Variants in PAX1 observed in about 807,000 individuals in gnomAD.
PAX1 encodes the protein paired box protein Pax-1.
PAX1 carries 18 observed loss-of-function variants against 35.6 expected under a neutral mutation model. That is an observed-to-expected ratio of 0.50 (90% CI 0.35 to 0.75). The LOEUF is 0.75. Ranked by LOEUF, PAX1 falls within the 30% of genes least tolerant of loss-of-function variation. The pLI, the probability that PAX1 is intolerant of heterozygous loss-of-function variation, is 0.01. For synonymous variants in PAX1, 397 were observed against 305.2 expected (o/e 1.30, Z -3.14); for missense variants, 760 against 661.5 (o/e 1.15, Z -1.63).
In PAX1 at chr20:21,706,741, G is replaced by C; in HGVS notation, c.590G>C (p.Arg197Pro). ...GDPGIFAWEI[R>P]DRLLADGVCD... Reference sequence around the variant, plus strand: ...CCTGGCATCTTTGCCTGGGAGATCCGCGACCGGCTGCTGGCCGACGGCGTC... The same window carrying C: ...CCTGGCATCTTTGCCTGGGAGATCCCCGACCGGCTGCTGGCCGACGGCGTC... The change falls in exon 2 of 5, where the codon CGC becomes CCC. Residue 197 changes from arginine (R) to proline (P), a missense_variant. Around this residue, in one of 3 missense-constraint regions of PAX1, gnomAD observed 490 missense variants for 428.4 expected, o/e 1.14. Coordinates refer to ENST00000613128, the MANE Select transcript of PAX1 (RefSeq NM_001257096.2). The surrounding 1 kb of genome is among the most constrained non-coding windows in gnomAD (Gnocchi z 5.3). 1 of 1,613,496 alleles carries C rather than the reference G, an allele frequency of 6.2e-7. No individual in the cohort carries two copies. The highest frequency in any genetic ancestry group is 8.5e-7 in the Non-Finnish European group (1 of 1,180,038).
chr20:21,713,070 C>T (rs1985248102), intron 4 of PAX1, among the ~76,000 whole-genome samples: 2 of 152,198 alleles, frequency 1.3e-5, no homozygotes, highest in Admixed American at 1.3e-4. Context: ...CAGCAGGATT[C>T]GCCCCTGTAG....
At position 21,717,981 on chromosome 20, in the gene PAX1, T is replaced by C. The variant is rs1218114233; in HGVS notation, c.*3419T>C. On this transcript the variant is annotated 3_prime_UTR_variant, in exon 5 of 5. Coordinates refer to ENST00000613128, the MANE Select transcript of PAX1 (RefSeq NM_001257096.2). ...TATTTGAAAGTGCACACTAATGAGT[T>C]GTGCTGTGCACACACAGACATGAGC... The C allele has an allele frequency of 6.6e-6, 1 of 152,226 alleles. No homozygotes were observed. The highest frequency in any genetic ancestry group is 2.4e-5 in the African/African-American group (1 of 41,464). 9.4% of individuals were successfully genotyped at this position (152,226 alleles called of 1,614,324 possible).
In PAX1 at chr20:21,716,638, T is replaced by C. The variant is rs1317109687; in HGVS notation, c.*2076T>C. 1 of 151,912 alleles carries C rather than the reference T, an allele frequency of 6.6e-6. No individual in the cohort carries two copies. Among genetic ancestry groups the C allele is most frequent in the Admixed American group, 6.6e-5 (1 of 15,244 alleles). 9.4% of individuals were successfully genotyped at this position (151,912 alleles called of 1,614,324 possible). A position where few individuals can be genotyped will look rare whatever the true frequency, so the allele number is the denominator to read the frequency against. On this transcript the variant is annotated 3_prime_UTR_variant, in exon 5 of 5. Transcript: ENST00000613128. The stretch of plus-strand genomic sequence containing the variant: ...CTTGTGCTTGGAAACTGGGTGACAC[T>C]ATCTCATCAGAGAGGCAGGATTGAG...
Position 21,714,473 on chromosome 20 carries a change from G to T in PAX1, c.1285G>T (p.Ala429Ser). The T allele has an allele frequency of 1.3e-6, 2 of 1,573,108 alleles. No individual in the cohort carries two copies. The highest frequency in any genetic ancestry group is 1.2e-5 in the South Asian group (1 of 85,730). Residue 429 changes from alanine (A) to serine (S), a missense_variant and splice_region_variant, in exon 5 of 5, where the codon GCT becomes TCT. Physicochemically the swap from Ala to Ser is moderately conservative, Grantham distance 99. Around this residue, in one of 3 missense-constraint regions of PAX1, gnomAD observed 490 missense variants for 428.4 expected, o/e 1.14. Coordinates refer to ENST00000613128, the MANE Select transcript of PAX1 (RefSeq NM_001257096.2). ...MTFKHPSREVADRKPPSSGSK... is the reference protein window; with the variant it reads ...MTFKHPSREVSDRKPPSSGSK... ...CGCCTCTGTGCTTCCTCCCGCAGTGGCTGACAGGAAGCCTCCCAGCTCCGG... is the reference window on the plus strand; with the variant it reads ...CGCCTCTGTGCTTCCTCCCGCAGTGTCTGACAGGAAGCCTCCCAGCTCCGG...
rs548440049 is a variant in PAX1, at chr20:21,705,796, G to C, written c.84G>C (p.Ala28=). Residue 28 remains alanine (A), a synonymous_variant, in exon 1 of 5, where the codon GCG becomes GCC. Transcript: ENST00000613128. ...CAGCGGCGGCGGCAGGCCCTGGAGCGGGCGGCAGCGCGCTCCGCTGCCGCG... is the reference window on the plus strand; with the variant it reads ...CAGCGGCGGCGGCAGGCCCTGGAGCCGGCGGCAGCGCGCTCCGCTGCCGCG... ...GAAAAAAGPG[A]GGSALRCRAQ... 6.8e-4 allele frequency: 874 copies of C among 1,279,030 alleles called. 6 individuals are homozygous for C. In the African/African-American group the frequency reaches 0.012, roughly 18 times the overall value. 79.2% of individuals were successfully genotyped at this position (1,279,030 alleles called of 1,614,324 possible). A position where few individuals can be genotyped will look rare whatever the true frequency, so the allele number is the denominator to read the frequency against.
rs929096603 is a variant in PAX1, at chr20:21,714,466, C to G, written c.1283-5C>G. On this transcript the variant is annotated splice_polypyrimidine_tract_variant and splice_region_variant and intron_variant, in intron 4 of 4. Coordinates refer to ENST00000613128, the MANE Select transcript of PAX1 (RefSeq NM_001257096.2). ...GATCCGACGCCTCTGTGCTTCCTCC[C>G]GCAGTGGCTGACAGGAAGCCTCCCA... The G allele has an allele frequency of 5.1e-6, 8 of 1,563,866 alleles. No individual in the cohort carries two copies. Among genetic ancestry groups the G allele is most frequent in the Admixed American group, 3.7e-5 (2 of 53,792 alleles).
chr20:21,707,041 G>C lies in PAX1; in HGVS notation c.890G>C (p.Gly297Ala). Residue 297 changes from glycine (G) to alanine (A), a missense_variant, in exon 2 of 5, where the codon GGC becomes GCC. Coordinates refer to ENST00000613128, the MANE Select transcript of PAX1 (RefSeq NM_001257096.2). The part of the protein sequence containing the change: ...PSAHSVSNIL[G>A]IRTFMEQTGA... ...GCACACTCGGTCAGCAACATCCTGG[G>C]CATCCGGACGTTTATGGAGCAAACA... 6.2e-7 allele frequency: 1 copy of C among 1,613,076 alleles called. No individual in the cohort carries two copies. Among genetic ancestry groups the C allele is most frequent in the East Asian group, 2.2e-5 (1 of 44,854 alleles).
chr20:21,706,378 T>C lies in PAX1; in HGVS notation c.287-60T>C, dbSNP rs1196542403. The C allele has an allele frequency of 3.1e-6, 5 of 1,602,844 alleles. No individual in the cohort carries two copies. In the South Asian group the frequency reaches 5.5e-5, roughly 18 times the overall value. On this transcript the variant is annotated intron_variant, in intron 1 of 4. Transcript: ENST00000613128. This position sits in a 1 kb window ranked among gnomAD's most constrained non-coding sequence, Gnocchi z 5.3. The stretch of plus-strand genomic sequence containing the variant: ...GTCCCTCGCTCCGCGTGGGGACCCT[T>C]GGCTAACCCGCCGGGTGTTTTCTCC...
Position 21,706,239 on chromosome 20 carries a change from C to G in PAX1, c.287-199C>G. 1 of 813,426 alleles carries G rather than the reference C, an allele frequency of 1.2e-6. No individual in the cohort carries two copies. Among genetic ancestry groups the G allele is most frequent in the Admixed American group, 2.0e-5 (1 of 50,240 alleles). The allele number at this position is 813,426 out of a possible 1,614,324, so 50.4% of individuals were successfully genotyped here. A position where few individuals can be genotyped will look rare whatever the true frequency, so the allele number is the denominator to read the frequency against. ...GAGGGCTACAATGCGCCGCGCTCCA[C>G]TCCGCGGCTCCTCTGCGCCCTTGCC... On this transcript the variant is annotated intron_variant, in intron 1 of 4. Transcript: ENST00000613128. The surrounding 1 kb of genome is among the most constrained non-coding windows in gnomAD (Gnocchi z 5.3).
Position 21,706,791 on chromosome 20 carries a change from G to T in PAX1, c.640G>T (p.Val214Leu), listed in dbSNP as rs906293290. 1 of 1,613,542 alleles carries T rather than the reference G, an allele frequency of 6.2e-7. No individual in the cohort carries two copies. Among genetic ancestry groups the T allele is most frequent in the Non-Finnish European group, 8.5e-7 (1 of 1,180,042 alleles). Residue 214 changes from valine (V) to leucine (L), a missense_variant, in exon 2 of 5, where the codon GTG becomes TTG. By Grantham distance (32) the Val-to-Leu change is conservative. This residue lies in a region of PAX1 where 490 missense variants were observed against 428.4 expected (regional missense o/e 1.14). Transcript: ENST00000613128. This position sits in a 1 kb window ranked among gnomAD's most constrained non-coding sequence, Gnocchi z 5.3. ...GVCDKYNVPS[V>L]SSISRILRNK... is the part of the protein sequence containing the mutation. ...CTGTGACAAGTACAATGTGCCTTCG[G>T]TGAGCTCCATCAGCCGCATCCTGCG...
rs1193482798 is a variant in PAX1 at position 21,705,793 on chromosome 20, A to G, written c.81A>G (p.Gly27=). The change falls in exon 1 of 5, where the codon GGA becomes GGG. Residue 27 remains glycine (G), a synonymous_variant. Coordinates refer to ENST00000613128, the MANE Select transcript of PAX1 (RefSeq NM_001257096.2). ...CAGCAGCGGCGGCGGCAGGCCCTGG[A>G]GCGGGCGGCAGCGCGCTCCGCTGCC... ...EGAAAAAAGP[G]AGGSALRCRA... The G allele has an allele frequency of 7.8e-7, 1 of 1,274,600 alleles. No homozygotes were observed. The highest frequency in any genetic ancestry group is 1.6e-5 in the African/African-American group (1 of 63,838). The allele number at this position is 1,274,600 out of a possible 1,614,324, so 79.0% of individuals were successfully genotyped here. A position where few individuals can be genotyped will look rare whatever the true frequency, so the allele number is the denominator to read the frequency against.
chr20:21,710,702 G>A (rs1228870925), intron 4 of PAX1, among the ~76,000 whole-genome samples: 1 of 151,558 alleles, frequency 6.6e-6, no homozygotes, highest in Non-Finnish European at 1.5e-5. Context: ...GGGGTGGGGT[G>A]GGGGGCAGGA....
At chr20:21,708,384 C>T (rs17861033) in intron 2 of PAX1, 174 bp from the exon 3 acceptor site, 2 of 803,806 alleles carry the variant, frequency 2.5e-6, no homozygotes, top group Middle Eastern at 3.5e-4. Context: ...TTCCTCCGCC[C>T]CACCCGGAGT....
rs1045857284 is a variant in PAX1, at chr20:21,716,840, G to A, written c.*2278G>A. 2.0e-5 allele frequency: 3 copies of A among 152,172 alleles called. No homozygotes were observed. Among genetic ancestry groups the A allele is most frequent in the African/African-American group, 4.8e-5 (2 of 41,426 alleles). The allele number at this position is 152,172 out of a possible 1,614,324, so 9.4% of individuals were successfully genotyped here. A position where few individuals can be genotyped will look rare whatever the true frequency, so the allele number is the denominator to read the frequency against. The stretch of plus-strand genomic sequence containing the variant: ...ATTGCATGCTCAGTGGTGACATCCT[G>A]GACAGAATTTTCATGCACCCATTTG... On this transcript the variant is annotated 3_prime_UTR_variant, in exon 5 of 5. Coordinates refer to ENST00000613128, the MANE Select transcript of PAX1 (RefSeq NM_001257096.2).
chr20:21,713,745 G>A (rs1209960782), intron 4 of PAX1, among the ~76,000 whole-genome samples: 2 of 152,182 alleles, frequency 1.3e-5, no homozygotes, highest in Non-Finnish European at 2.9e-5. Context: ...AATAGAGTAA[G>A]GCGCAGAATA....
Position 21,705,911 on chromosome 20 carries a change from G to T in PAX1, c.199G>T (p.Ala67Ser). The change falls in exon 1 of 5, where the codon GCC (alanine) becomes TCC (serine). Residue 67 changes from alanine (A) to serine (S), a missense_variant. By Grantham distance (99) the Ala-to-Ser change is moderately conservative. Transcript: ENST00000613128. Reference protein sequence around the residue: ...PLCLSRGGGGAQALPDCAGPS... With the variant: ...PLCLSRGGGGSQALPDCAGPS... ...ATGCCTCTCACGCGGCGGCGGCGGC[G>T]CCCAAGCTCTCCCGGACTGCGCCGG... 2 of 1,405,708 alleles carry T rather than the reference G, an allele frequency of 1.4e-6. No individual in the cohort carries two copies. Among genetic ancestry groups the T allele is most frequent in the Non-Finnish European group, 1.8e-6 (2 of 1,083,062 alleles). The allele number at this position is 1,405,708 out of a possible 1,614,324, so 87.1% of individuals were successfully genotyped here. A position where few individuals can be genotyped will look rare whatever the true frequency, so the allele number is the denominator to read the frequency against.
intron 4 of PAX1, among the ~76,000 whole-genome samples, chr20:21,714,224 A>G (rs1382892366): frequency 2.0e-5 from 3 of 152,140 alleles, no homozygotes; most frequent in Non-Finnish European, 2.9e-5. Flanking sequence ...AGTGTTTGCA[A>G]ATGGCCTTGC....
Position 21,714,838 on chromosome 20 carries a change from G to A in PAX1, c.*276G>A, listed in dbSNP as rs764231409. On this transcript the variant is annotated 3_prime_UTR_variant, in exon 5 of 5. Transcript: ENST00000613128. ...CCCTCCTCACAATCCTTGCTCTGACGTGGCCTCCTTCGCTCTGCCAGCTTC... is the reference window on the plus strand; with the variant it reads ...CCCTCCTCACAATCCTTGCTCTGACATGGCCTCCTTCGCTCTGCCAGCTTC... The A allele has an allele frequency of 3.2e-6, 5 of 1,554,488 alleles. No homozygotes were observed. In the East Asian group the frequency reaches 6.7e-5, roughly 21 times the overall value.
Position 21,706,170 on chromosome 20 carries a change from G to C in PAX1, c.286+172G>C. The C allele has an allele frequency of 1.3e-6, 1 of 776,438 alleles. No individual in the cohort carries two copies. Among genetic ancestry groups the C allele is most frequent in the East Asian group, 2.7e-5 (1 of 37,506 alleles). The allele number at this position is 776,438 out of a possible 1,614,324, so 48.1% of individuals were successfully genotyped here. A position where few individuals can be genotyped will look rare whatever the true frequency, so the allele number is the denominator to read the frequency against. On this transcript the variant is annotated intron_variant, in intron 1 of 4. Coordinates refer to ENST00000613128, the MANE Select transcript of PAX1 (RefSeq NM_001257096.2). This position sits in a 1 kb window ranked among gnomAD's most constrained non-coding sequence, Gnocchi z 5.3. ...GGGGGCAGTTGAGCAAGTCTGGGAA[G>C]GGAGTGTTCCAAGTAGACGCGCTAA...
Sources: allele counts gnomAD v4.1 joint callset (sites outside exome capture counted in the v4.1 genomes callset), GRCh38; gene constraint gnomAD v4.1.1; regional missense constraint gnomAD v4.1.1; non-coding constraint Gnocchi (gnomAD v3.1); transcripts MANE v1.5; gene names NCBI Gene and HGNC (gene_info 2026-07-23, HGNC 2026-07-21).